Variants in ERMP1 observed in about 807,000 individuals in gnomAD.
ERMP1 encodes endoplasmic reticulum metallopeptidase 1.
In ERMP1, 86 loss-of-function variants were observed where a neutral mutation model predicts 92.0. The observed-to-expected ratio is 0.93, with a 90% confidence interval of 0.79 to 1.12. The LOEUF is 1.12. Ranked by LOEUF, ERMP1 falls within the 50% of genes most tolerant of loss-of-function variation. ERMP1 has a pLI of 0.00. For missense variants in ERMP1, 1,342 were observed against 1,116.3 expected (o/e 1.20, Z -2.88); for synonymous variants, 530 against 412.8 (o/e 1.28, Z -3.44).
chr9:5,862,791 T>C (rs76548719), intron 5 of ERMP1, among the ~76,000 whole-genome samples: 3 of 152,086 alleles, frequency 2.0e-5, no homozygotes, highest in African/African-American at 7.2e-5. Flanking sequence ...TCCAAAGGAG[T>C]GTCTACTTGT....
chr9:5,856,092 G>C, intron 6 of ERMP1: 1 of 373,978 alleles, frequency 2.7e-6, no homozygotes, highest in Non-Finnish European at 5.3e-6. Context: ...CAATCTTTAA[G>C]TGTTTCGAAT....
chr9:5,787,486 C>G lies in ERMP1; in HGVS notation c.2494G>C (p.Val832Leu). 1 of 1,614,152 alleles carries G rather than the reference C, an allele frequency of 6.2e-7. No homozygotes were observed. The highest frequency in any genetic ancestry group is 8.5e-7 in the Non-Finnish European group (1 of 1,179,994). Residue 832 changes from valine (V) to leucine (L), a missense_variant, in exon 14 of 15, where the codon GTC (valine) becomes CTC (leucine). By Grantham distance (32) the Val-to-Leu change is conservative. Transcript: ENST00000339450. ...PVTSKGGDYFVFYSHGLQASA... is the reference protein window; with the variant it reads ...PVTSKGGDYFLFYSHGLQASA... Reference sequence around the variant, plus strand: ...GCCTGGAGTCCATGGGAGTAAAAGACAAAGTAGTCTCCTCCTTTACTTGTG... The same window carrying G: ...GCCTGGAGTCCATGGGAGTAAAAGAGAAAGTAGTCTCCTCCTTTACTTGTG...
rs765626934 is a variant in ERMP1 at position 5,797,877 on chromosome 9, G to A, written c.2326C>T (p.Arg776Ter). ...GGTGTCTGTTCTTTGGATATGAGTC[G>A]GAAATGAGGAGGATTTCTTGGAGAA... Reference protein sequence around the residue: ...EVSPRNPPHFRLISKEQTPWD... With the variant: ...EVSPRNPPHF The change falls in exon 13 of 15, where the codon CGA (arginine) becomes TGA (stop). Residue 776 changes from arginine (R) to a stop codon, truncating the protein, a stop_gained. Transcript: ENST00000339450. LOFTEE classifies it high-confidence loss of function. The A allele has an allele frequency of 8.1e-6, 13 of 1,613,652 alleles. No individual in the cohort carries two copies. Among genetic ancestry groups the A allele is most frequent in the Middle Eastern group, 1.6e-4 (1 of 6,084 alleles).
In ERMP1 at chr9:5,830,729, G is replaced by T; in HGVS notation, c.638C>A (p.Pro213Gln). The T allele has an allele frequency of 6.2e-7, 1 of 1,609,884 alleles. No individual in the cohort carries two copies. The highest frequency in any genetic ancestry group is 8.5e-7 in the Non-Finnish European group (1 of 1,177,320). The change falls in exon 2 of 15, where the codon CCA becomes CAA. Residue 213 changes from proline (P) to glutamine (Q), a missense_variant and splice_region_variant. Transcript: ENST00000339450. The part of the protein sequence containing the change: ...NCHFDSVANS[P>Q]GASDDAVSCS... Reference sequence around the variant, plus strand: ...ATGACTAAAAAACAGGTACATACCTGGTGAGTTTGCTACTGAGTCAAAATG... The same window carrying T: ...ATGACTAAAAAACAGGTACATACCTTGTGAGTTTGCTACTGAGTCAAAATG...
chr9:5,810,087 G>C lies in ERMP1; in HGVS notation c.1472C>G (p.Ser491Cys), dbSNP rs1253459996. The change falls in exon 8 of 15, where the codon TCC (serine) becomes TGC (cysteine). Residue 491 changes from serine to cysteine, a missense_variant. By Grantham distance (112) the Ser-to-Cys change is moderately radical. Coordinates refer to ENST00000339450, the MANE Select transcript of ERMP1 (RefSeq NM_024896.3). ...AGTTGCAGTTCCATACAGACAAACG[G>C]AGACATAGAAGTGGTTATACCATGA... Reference protein sequence around the residue: ...SLSWYNHFYVSVCLYGTATVA... With the variant: ...SLSWYNHFYVCVCLYGTATVA... 2.5e-6 allele frequency: 4 copies of C among 1,613,884 alleles called. No homozygotes were observed. Among genetic ancestry groups the C allele is most frequent in the Non-Finnish European group, 3.4e-6 (4 of 1,179,914 alleles).
intron 13 of ERMP1, among the ~76,000 whole-genome samples, chr9:5,792,163 G>A (rs182811426): frequency 5.3e-5 from 8 of 152,220 alleles, no homozygotes; most frequent in Admixed American, 1.3e-4. Context: ...AAAGAATCCC[G>A]AAATATACAC....
rs574379984 is a variant in ERMP1, at chr9:5,863,225, C to G, written n.3056-3614G>C. Among the ~76,000 whole-genome samples the G allele has an allele frequency of 3.3e-5, 5 of 152,328 alleles. No individual in the cohort carries two copies. The East Asian group carries it at 9.6e-4, about 29-fold the overall frequency. On this transcript the variant is annotated intron_variant and non_coding_transcript_variant, in intron 5 of 6. Transcript: ENST00000690753. The stretch of plus-strand genomic sequence containing the variant: ...TTACATTTCCAATGATGGGCAGCTT[C>G]AGTGCCTTTGTACTTTGCAACAGAG...
chr9:5,794,000 C>G (rs1365680694), intron 13 of ERMP1, among the ~76,000 whole-genome samples: 1 of 152,070 alleles, frequency 6.6e-6, no homozygotes, highest in African/African-American at 2.4e-5. Flanking sequence ...TTCAAGCATA[C>G]TGCTTGAAAT....
chr9:5,807,600 G>C (rs1432778928), intron 8 of ERMP1, among the ~76,000 whole-genome samples: 4 of 151,976 alleles, frequency 2.6e-5, no homozygotes, highest in African/African-American at 9.7e-5. Flanking sequence ...ACAAAAATTA[G>C]CTGGGCATGG....
intron 5 of ERMP1, among the ~76,000 whole-genome samples, chr9:5,864,977 G>GA (rs548908088): frequency 6.6e-5 from 10 of 151,156 alleles, no homozygotes; most frequent in Admixed American, 1.3e-4. Context: ...TTGTTTCATG[G>GA]AAAAAAAAAT....
intron 6 of ERMP1, among the ~76,000 whole-genome samples, chr9:5,846,611 T>C (rs925490971): frequency 6.6e-6 from 1 of 152,214 alleles, no homozygotes; most frequent in African/African-American, 2.4e-5. Flanking sequence ...TCTAACTACA[T>C]TTCCCAAAGG....
At chr9:5,859,318 C>A (rs868556130) in intron 6 of ERMP1, among the ~76,000 whole-genome samples, 1 of 152,122 alleles carries the variant, frequency 6.6e-6, no homozygotes, top group Non-Finnish European at 1.5e-5. Flanking sequence ...GTTCTTTTAA[C>A]CTTTCAAAGC....
intron 6 of ERMP1, among the ~76,000 whole-genome samples, chr9:5,857,918 C>G (rs1830400292): frequency 6.6e-6 from 1 of 152,148 alleles, no homozygotes; most frequent in African/African-American, 2.4e-5. Flanking sequence ...GGCTCACAGT[C>G]CAGAAAGAAG....
At chr9:5,822,312 C>G (rs1341198206) in intron 4 of ERMP1, among the ~76,000 whole-genome samples, 3 of 152,066 alleles carry the variant, frequency 2.0e-5, no homozygotes, top group Admixed American at 1.3e-4. Flanking sequence ...TCTACTCACT[C>G]TTGTAGATAT....
intron 2 of ERMP1, among the ~76,000 whole-genome samples, chr9:5,825,779 T>C (rs924528123): frequency 1.3e-5 from 2 of 152,146 alleles, no homozygotes; most frequent in Non-Finnish European, 2.9e-5. Flanking sequence ...ATCTAGTAAG[T>C]CACAGGAAAG....
intron 12 of ERMP1, among the ~76,000 whole-genome samples, chr9:5,798,173 C>T (rs1828520814): frequency 6.6e-6 from 1 of 152,152 alleles, no homozygotes; most frequent in Non-Finnish European, 1.5e-5. Flanking sequence ...TCTTCTCATC[C>T]AGTCCTTCAC....
In ERMP1 at chr9:5,805,122, T is replaced by G. The variant is rs145665493; in HGVS notation, c.1819A>C (p.Thr607Pro). 6 of 1,613,048 alleles carry G rather than the reference T, an allele frequency of 3.7e-6. No individual in the cohort carries two copies. Among genetic ancestry groups the G allele is most frequent in the Non-Finnish European group, 5.1e-6 (6 of 1,179,722 alleles). The change falls in exon 10 of 15, where the codon ACC becomes CCC. Residue 607 changes from threonine (T) to proline (P), a missense_variant. Thr to Pro is a conservative substitution (Grantham distance 38). Transcript: ENST00000339450. ...GAACCACTTCTCCCGAGGATAGGGG[T>G]AAACATCTCAAATACTGCCCAGATG... is the stretch of plus-strand genomic sequence containing the variant. Reference protein sequence around the residue: ...YLIWAVFEMFTPILGRSGSEI... With the variant: ...YLIWAVFEMFPPILGRSGSEI...
Position 5,805,796 on chromosome 9 carries a change from G to C in ERMP1, c.1549-11C>G. 1 of 1,585,096 alleles carries C rather than the reference G, an allele frequency of 6.3e-7. No homozygotes were observed. Among genetic ancestry groups the C allele is most frequent in the Non-Finnish European group, 8.6e-7 (1 of 1,168,692 alleles). On this transcript the variant is annotated splice_polypyrimidine_tract_variant and intron_variant, in intron 8 of 14. Coordinates refer to ENST00000339450, the MANE Select transcript of ERMP1 (RefSeq NM_024896.3). ...CTGGGCACTGGCATTCTGAAAGAAA[G>C]AAAAATATACAAGTAGTCTCATTCA... is the stretch of plus-strand genomic sequence containing the variant.
chr9:5,836,194 G>A (rs1306732080), upstream of ERMP1, among the ~76,000 whole-genome samples: 1 of 152,220 alleles, frequency 6.6e-6, no homozygotes, highest in Non-Finnish European at 1.5e-5. Flanking sequence ...GAGCTGTCAG[G>A]ATTCAGGTGA....
Sources: allele counts gnomAD v4.1 joint callset (sites outside exome capture counted in the v4.1 genomes callset), GRCh38; gene constraint gnomAD v4.1.1; transcripts MANE v1.5; gene names NCBI Gene and HGNC (gene_info 2026-07-23, HGNC 2026-07-21).